GSE1: variants seen among roughly 807,000 people sequenced by gnomAD.
The protein encoded by GSE1 is genetic suppressor element 1.
GSE1 carries 32 observed loss-of-function variants against 112.6 expected under a neutral mutation model. The observed-to-expected ratio is 0.28, with a 90% confidence interval of 0.21 to 0.38. GSE1 has a LOEUF of 0.38. Ranked by LOEUF, GSE1 falls within the 10% of genes least tolerant of loss-of-function variation. The pLI is 1.00. For missense variants in GSE1, 2,348 were observed against 1,699.2 expected, an observed-to-expected ratio of 1.38 and a Z score of -6.71; for synonymous variants, 1,115 against 735.6, an observed-to-expected ratio of 1.52 and a Z score of -8.35.
chr16:85,203,193 TC>T (rs141296112), intron 1 of GSE1, among the ~76,000 whole-genome samples: 12,890 of 151,928 alleles, frequency 0.085, 757 homozygotes, highest in African/African-American at 0.16. Context: ...CCCCTTTCCA[TC>T]TTTGCTCCAC....
intron 2 of GSE1, among the ~76,000 whole-genome samples, chr16:85,436,388 GC>G (rs1401464368): frequency 2.6e-5 from 4 of 152,214 alleles, no homozygotes; most frequent in Non-Finnish European, 5.9e-5. Context: ...CCTGAGTCCA[GC>G]CCCAGCATCC....
intron 2 of GSE1, among the ~76,000 whole-genome samples, chr16:85,379,461 C>T (rs1364791047): frequency 6.6e-6 from 1 of 152,218 alleles, no homozygotes. Flanking sequence ...CTCCCTGCTC[C>T]TGAGAAGATT....
At chr16:85,378,008 C>A (rs1008935975) in intron 2 of GSE1, among the ~76,000 whole-genome samples, 33 of 152,222 alleles carry the variant, frequency 2.2e-4, no homozygotes, top group African/African-American at 6.8e-4. Context: ...TCATCTGCAC[C>A]CCGGGCTTGG....
At chr16:85,427,004 C>G (rs4783198) in intron 2 of GSE1, among the ~76,000 whole-genome samples, 1 of 152,118 alleles carries the variant, frequency 6.6e-6, no homozygotes, top group Non-Finnish European at 1.5e-5. Flanking sequence ...GTTTGCCTGC[C>G]TAGGAAATGG....
intron 2 of GSE1, among the ~76,000 whole-genome samples, chr16:85,359,611 G>A (rs1293732227): frequency 6.6e-6 from 1 of 152,238 alleles, no homozygotes; most frequent in Non-Finnish European, 1.5e-5. Flanking sequence ...CACCGAGGAA[G>A]AACCAAGTCT....
At chr16:85,437,208 C>T (rs1024748678) in intron 2 of GSE1, among the ~76,000 whole-genome samples, 2 of 152,260 alleles carry the variant, frequency 1.3e-5, no homozygotes, top group South Asian at 2.1e-4. Context: ...ACGCCTCCGC[C>T]GCCGGGCTCC....
chr16:85,445,464 C>T (rs1453647952), intron 2 of GSE1, among the ~76,000 whole-genome samples: 1 of 152,252 alleles, frequency 6.6e-6, no homozygotes, highest in African/African-American at 2.4e-5. Flanking sequence ...TCCCCAGACC[C>T]CTCACAGGTG....
intron 1 of GSE1, among the ~76,000 whole-genome samples, chr16:85,187,429 G>A (rs1473191045): frequency 6.6e-6 from 1 of 152,234 alleles, no homozygotes; most frequent in Non-Finnish European, 1.5e-5. Context: ...CTGCTCTGGG[G>A]GAAGAGAGAG....
intron 1 of GSE1, among the ~76,000 whole-genome samples, chr16:85,282,505 G>C (rs1319477056): frequency 6.6e-6 from 1 of 152,218 alleles, no homozygotes; most frequent in Non-Finnish European, 1.5e-5. Context: ...CGAACCCGGT[G>C]AGGGCTGGAA....
Position 85,674,784 on chromosome 16 carries a change from G to T in GSE1, c.*2245G>T. 1 of 152,568 alleles carries T rather than the reference G, an allele frequency of 6.6e-6. No individual in the cohort carries two copies. The allele number at this position is 152,568 out of a possible 1,614,324, so 9.5% of individuals were successfully genotyped here. ...GAGAGGTCTGCCCAGGGTGGGAGCA[G>T]TGTCACTGTGCTAGCAATAGTTGGC... On this transcript the variant is annotated 3_prime_UTR_variant, in exon 16 of 16. Transcript: ENST00000253458.
At chr16:85,459,485 T>TCGGC (rs1439072479) in intron 2 of GSE1, among the ~76,000 whole-genome samples, 1 of 152,224 alleles carries the variant, frequency 6.6e-6, no homozygotes, top group Non-Finnish European at 1.5e-5. Context: ...TGGGCTCTTG[T>TCGGC]TGGCTCCCAT....
chr16:85,516,857 G>A (rs1199248077), intron 2 of GSE1, among the ~76,000 whole-genome samples: 1 of 150,114 alleles, frequency 6.7e-6, no homozygotes, highest in Non-Finnish European at 1.5e-5. Flanking sequence ...GAGTGCAGTG[G>A]CGTGATCTCC....
At chr16:85,437,589 G>T (rs1298695847) in intron 2 of GSE1, among the ~76,000 whole-genome samples, 2 of 152,098 alleles carry the variant, frequency 1.3e-5, no homozygotes, top group South Asian at 2.1e-4. Flanking sequence ...CACATGCTCG[G>T]GGGATTGGGA....
At chr16:85,654,699 G>A (rs976514023) in intron 4 of GSE1, 95 bp from the exon 5 acceptor site, 4 of 833,744 alleles carry the variant, frequency 4.8e-6, no homozygotes, top group Admixed American at 2.0e-5. Flanking sequence ...TGCCGACTGA[G>A]CGCCAGGGGT....
intron 2 of GSE1, among the ~76,000 whole-genome samples, chr16:85,637,865 A>C (rs909439211): frequency 6.6e-6 from 1 of 151,844 alleles, no homozygotes; most frequent in African/African-American, 2.4e-5. Flanking sequence ...TGAGCTGGCC[A>C]GCTCAGCGGC....
chr16:85,428,470 A>G (rs1344900300), intron 2 of GSE1, among the ~76,000 whole-genome samples: 3 of 152,218 alleles, frequency 2.0e-5, no homozygotes, highest in Non-Finnish European at 4.4e-5. Context: ...TAGCTGTAAA[A>G]TGGGGCGATA....
intron 2 of GSE1, among the ~76,000 whole-genome samples, chr16:85,454,939 C>T (rs1171368945): frequency 2.6e-5 from 4 of 152,196 alleles, no homozygotes; most frequent in East Asian, 1.9e-4. Context: ...TGCCCAGGTG[C>T]GGAGGGTGAG....
At position 85,183,248 on chromosome 16, in the gene GSE1, T is replaced by C. The variant is rs111452844; in HGVS notation, c.2283+11441T>C. ...ACCCTCTCTCATTCATGCACACTCA[T>C]GCACACACACTCACATTCTTGCCTG... On this transcript the variant is annotated intron_variant, in intron 1 of 2. Coordinates refer to the GSE1 transcript ENST00000637419. Among the ~76,000 whole-genome samples, 364 of 152,344 alleles carry C rather than the reference T, an allele frequency of 2.4e-3. 1 individual carries two copies. Among genetic ancestry groups the C allele is most frequent in the African/African-American group, 8.4e-3 (349 of 41,586 alleles).
intron 2 of GSE1, among the ~76,000 whole-genome samples, chr16:85,472,283 A>G (rs2151848071): frequency 6.6e-6 from 1 of 152,310 alleles, no homozygotes; most frequent in East Asian, 1.9e-4. Flanking sequence ...GTCCAAAATC[A>G]AGGTGTGCGC....
Sources: allele counts gnomAD v4.1 joint callset (sites outside exome capture counted in the v4.1 genomes callset), GRCh38; gene constraint gnomAD v4.1.1; transcripts MANE v1.5; gene names NCBI Gene and HGNC (gene_info 2026-07-23, HGNC 2026-07-21).